TXLNB: variants seen among roughly 807,000 people sequenced by gnomAD.
TXLNB encodes the protein beta-taxilin.
Under a neutral mutation model 57.4 loss-of-function variants are expected in TXLNB, and 37 were observed. The ratio of observed to expected loss-of-function variants is 0.64; its 90% CI spans 0.50 to 0.85. The LOEUF (loss-of-function observed/expected upper bound fraction) is 0.85, where lower values mean the gene tolerates loss of function less well. TXLNB is among the 40% of genes least tolerant of loss of function. The pLI is 0.00. For missense variants in TXLNB, 848 were observed against 825.6 expected, an observed-to-expected ratio of 1.03 and a Z score of -0.33; for synonymous variants, 302 against 309.6, an observed-to-expected ratio of 0.98 and a Z score of 0.26.
the TXLNB span, among the ~76,000 whole-genome samples, chr6:139,196,593 C>T: frequency 9.8e-6 from 1 of 101,666 alleles, no homozygotes; most frequent in South Asian, 2.5e-4. Context: ...CCAGGCTGGT[C>T]TCGAACTCCT....
chr6:139,191,849 A>C, the TXLNB span, among the ~76,000 whole-genome samples: 1 of 152,176 alleles, frequency 6.6e-6, no homozygotes, highest in Non-Finnish European at 1.5e-5. Flanking sequence ...AAAAGGGCGC[A>C]CTTGGCCTCC....
Position 139,288,669 on chromosome 6 carries a change from T to C in TXLNB, c.231A>G (p.Ala77=), listed in dbSNP as rs1158993681. 1 of 1,614,190 alleles carries C rather than the reference T, an allele frequency of 6.2e-7. No individual in the cohort carries two copies. The highest frequency in any genetic ancestry group is 8.5e-7 in the Non-Finnish European group (1 of 1,180,026). The part of the protein sequence containing the change: ...INTYGSAAST[A]GKEGSARASE... Reference sequence around the variant, plus strand: ...TGGCCCTGGCAGAGCCCTCTTTCCCTGCTGTGCTGGCAGCAGACCCATAAG... The same window carrying C: ...TGGCCCTGGCAGAGCCCTCTTTCCCCGCTGTGCTGGCAGCAGACCCATAAG... The change falls in exon 2 of 10, where the codon GCA becomes GCG. Residue 77 remains alanine (A), a synonymous_variant. Transcript: ENST00000358430.
chr6:139,204,256 C>T, the TXLNB span, among the ~76,000 whole-genome samples: 2 of 152,124 alleles, frequency 1.3e-5, no homozygotes, highest in African/African-American at 4.8e-5. Context: ...TGGGGTTTCA[C>T]CATGTTGGCC....
At chr6:139,313,401 T>C in the TXLNB span, among the ~76,000 whole-genome samples, 1 of 152,118 alleles carries the variant, frequency 6.6e-6, no homozygotes, top group Non-Finnish European at 1.5e-5. Context: ...TGTCTTTTGT[T>C]ACATGGACTT....
chr6:139,320,076 G>A, the TXLNB span, among the ~76,000 whole-genome samples: 1 of 151,964 alleles, frequency 6.6e-6, no homozygotes, highest in Non-Finnish European at 1.5e-5. Context: ...ATTATAATTT[G>A]TTAAAGTTAT....
chr6:139,194,207 C>T, the TXLNB span, among the ~76,000 whole-genome samples: 1 of 152,172 alleles, frequency 6.6e-6, no homozygotes, highest in Non-Finnish European at 1.5e-5. Flanking sequence ...TTCCAAAGTG[C>T]CGGGATTACA....
intron 6 of TXLNB, among the ~76,000 whole-genome samples, chr6:139,257,947 A>G (rs1310683602): frequency 1.3e-5 from 2 of 152,114 alleles, no homozygotes; most frequent in Non-Finnish European, 2.9e-5. Context: ...AAATGGTCCT[A>G]TGAGAGGACT....
At chr6:139,276,976 A>G in intron 2 of TXLNB, 55 bp from the exon 3 acceptor site, 2 of 1,346,186 alleles carry the variant, frequency 1.5e-6, no homozygotes, top group Admixed American at 2.2e-5. Flanking sequence ...TCAGGTGATA[A>G]GGGCTGGAGT....
chr6:139,217,105 G>T, the TXLNB span, among the ~76,000 whole-genome samples: 1 of 152,184 alleles, frequency 6.6e-6, no homozygotes. Flanking sequence ...ATGAGGCCTG[G>T]AGTGGTCTCA....
the TXLNB span, among the ~76,000 whole-genome samples, chr6:139,192,987 AC>A: frequency 0.049 from 6,712 of 137,814 alleles, 144 homozygotes; most frequent in African/African-American, 0.065. Flanking sequence ...AAAAAAAAAA[AC>A]AACAAAAAAA....
At chr6:139,177,481 C>A in the TXLNB span, 1,992 of 161,030 alleles carry the variant, frequency 0.012, 44 homozygotes, top group African/African-American at 0.045. This position sits in a 1 kb window ranked among gnomAD's most constrained non-coding sequence, Gnocchi z 4.9. Context: ...TTCTAAAAAC[C>A]TTCTTTTAGA....
chr6:139,179,326 A>G, the TXLNB span: 1 of 152,302 alleles, frequency 6.6e-6, no homozygotes, highest in Non-Finnish European at 1.5e-5. Context: ...AACCTGCTTT[A>G]TATTGTTGTT....
At chr6:139,309,614 G>A in the TXLNB span, among the ~76,000 whole-genome samples, 3 of 151,956 alleles carry the variant, frequency 2.0e-5, no homozygotes, top group African/African-American at 4.8e-5. Context: ...TTAATTCCCC[G>A]AAGAGTCTCG....
At chr6:139,322,803 C>G in the TXLNB span, among the ~76,000 whole-genome samples, 1 of 152,178 alleles carries the variant, frequency 6.6e-6, no homozygotes, top group Admixed American at 6.5e-5. Context: ...AAACACACTG[C>G]ACATTTTCTG....
chr6:139,190,836 T>C, the TXLNB span, among the ~76,000 whole-genome samples: 2 of 152,316 alleles, frequency 1.3e-5, no homozygotes, highest in African/African-American at 4.8e-5. Flanking sequence ...GCCATCACCT[T>C]GGGGCTTAGA....
chr6:139,281,859 A>C (rs1195919961), intron 2 of TXLNB, among the ~76,000 whole-genome samples: 1 of 119,746 alleles, frequency 8.4e-6, no homozygotes, highest in Non-Finnish European at 1.6e-5. Flanking sequence ...TGGAGTTCTT[A>C]TTAGGTCAAC....
At chr6:139,296,567 A>G (rs1169742336), upstream of TXLNB, among the ~76,000 whole-genome samples, 1 of 152,058 alleles carries the variant, frequency 6.6e-6, no homozygotes, top group Non-Finnish European at 1.5e-5. Context: ...GTAGACTCAA[A>G]TGTTTAACCT....
chr6:139,243,086 C>A lies in TXLNB; in HGVS notation c.1495G>T (p.Ala499Ser). ...AAGGCTGTGGCCAGATTTTTCACGG[C>A]GGTTTGGACACTATTAACCTCCTCT... ...DAEEVNSVQT[A>S]VKNLATAFMI... Residue 499 changes from alanine (A) to serine (S), a missense_variant, in exon 10 of 10, where the codon GCC (alanine) becomes TCC (serine). Ala to Ser is a moderately conservative substitution (Grantham distance 99). Transcript: ENST00000358430. 6.2e-7 allele frequency: 1 copy of A among 1,614,128 alleles called. No individual in the cohort carries two copies. Among genetic ancestry groups the A allele is most frequent in the Non-Finnish European group, 8.5e-7 (1 of 1,180,034 alleles).
At chr6:139,199,917 T>C in the TXLNB span, 1 of 152,164 alleles carries the variant, frequency 6.6e-6, no homozygotes, top group Non-Finnish European at 1.5e-5. Flanking sequence ...TTCTCGTATC[T>C]CTAAGAATGG....
Sources: gnomAD v4.1 joint callset for allele counts (sites outside exome capture counted in the v4.1 genomes callset) on GRCh38, gnomAD v4.1.1 for gene constraint, Gnocchi (gnomAD v3.1) non-coding constraint, MANE v1.5 for transcripts, NCBI Gene and HGNC (gene_info 2026-07-23, HGNC 2026-07-21) for gene names.